Variants in MYO1E observed in about 807,000 individuals in gnomAD.
The protein encoded by MYO1E is myosin IE.
Under a neutral mutation model 151.1 loss-of-function variants are expected in MYO1E, and 68 were observed. The observed-to-expected ratio is 0.45, with a 90% CI of 0.37 to 0.55. The LOEUF is 0.55. Ranked by LOEUF, MYO1E falls within the 20% of genes least tolerant of loss-of-function variation. MYO1E has a pLI of 0.00. For synonymous variants in MYO1E, 601 were observed against 501.7 expected, an observed-to-expected ratio of 1.20 and a Z score of -2.64; for missense variants, 1,363 against 1,389.3, an observed-to-expected ratio of 0.98 and a Z score of 0.30.
At position 59,158,319 on chromosome 15, in the gene MYO1E, T is replaced by G. The variant is rs766953261; in HGVS notation, c.2846A>C (p.Asn949Thr). The G allele has an allele frequency of 4.4e-6, 7 of 1,577,678 alleles. No individual in the cohort carries two copies. The African/African-American group carries it at 9.4e-5, about 21-fold the overall frequency. ...AGGAGGGGCAGCTCTCACTGGGTAG[T>G]TGGCATTTTGAGTCCCACTGGAATA... is the stretch of plus-strand genomic sequence containing the variant. ...TGYSSGTQNA[N>T]YPVRAAPPPP... Residue 949 changes from asparagine (N) to threonine (T), a missense_variant, in exon 25 of 28, where the codon AAC (asparagine) becomes ACC (threonine). Physicochemically the swap from Asn to Thr is moderately conservative, Grantham distance 65. Transcript: ENST00000288235.
intron 26 of MYO1E, 109 bp from the exon 27 acceptor site, chr15:59,138,476 G>C: frequency 8.3e-7 from 1 of 1,211,852 alleles, no homozygotes; most frequent in Admixed American, 2.0e-5. Flanking sequence ...TTCAAATCCA[G>C]CTCCATCCTT....
At chr15:59,370,928 T>C (rs1173768597) in intron 1 of MYO1E, among the ~76,000 whole-genome samples, 2 of 152,162 alleles carry the variant, frequency 1.3e-5, no homozygotes, top group African/African-American at 4.8e-5. Context: ...AGGGACCAGG[T>C]GCCCAGTGAG....
intron 1 of MYO1E, among the ~76,000 whole-genome samples, chr15:59,353,369 A>AAAAAAGAAAAGAAAAGAAAAGAAAAG (rs1178465167): frequency 3.7e-4 from 36 of 96,876 alleles, no homozygotes; most frequent in African/African-American, 1.3e-3. Context: ...AAAAAAAAAA[A>AAAAAAGAAAAGAAAAGAAAAGAAAAG]AAAAGAAAAG....
chr15:59,242,373 G>C (rs1180502606), intron 4 of MYO1E, among the ~76,000 whole-genome samples: 1 of 152,148 alleles, frequency 6.6e-6, no homozygotes, highest in African/African-American at 2.4e-5. Flanking sequence ...GTGTGGACGT[G>C]TCAAGCATAT....
chr15:59,151,223 C>T lies in MYO1E; in HGVS notation c.3080+2367G>A, dbSNP rs867268350. Among the ~76,000 whole-genome samples the T allele has an allele frequency of 2.0e-5, 3 of 151,566 alleles. No homozygotes were observed. In the South Asian group the frequency reaches 6.3e-4, roughly 32 times the overall value. On this transcript the variant is annotated intron_variant, in intron 26 of 27. Coordinates refer to ENST00000288235, the MANE Select transcript of MYO1E (RefSeq NM_004998.4). The stretch of plus-strand genomic sequence containing the variant: ...CAGGCAGATGACGAGGTCAAGAGAT[C>T]GAGACCATCCTGGCCAACATGGTGA...
intron 18 of MYO1E, among the ~76,000 whole-genome samples, chr15:59,182,394 G>A (rs1475337370): frequency 6.6e-6 from 1 of 152,076 alleles, no homozygotes; most frequent in Non-Finnish European, 1.5e-5. Context: ...TGTATTTTTA[G>A]TAGAGGCGGG....
chr15:59,292,653 G>A (rs2080426490), intron 1 of MYO1E, among the ~76,000 whole-genome samples: 2 of 152,248 alleles, frequency 1.3e-5, no homozygotes, highest in African/African-American at 4.8e-5. Flanking sequence ...CCAGAGCAGA[G>A]TTAAGGTTGC....
rs1240486826 is a variant in MYO1E, at chr15:59,207,835, T to G, written c.1530+846A>C. On this transcript the variant is annotated intron_variant, in intron 14 of 27. Transcript: ENST00000288235. ...TATTAAAATGAAAGGTTATACTTCT[T>G]GGGCCATTGGCCTATCTGTGGCCGA... The G allele has an allele frequency of 3.1e-6, 5 of 1,614,114 alleles. No homozygotes were observed. Among genetic ancestry groups the G allele is most frequent in the Non-Finnish European group, 3.4e-6 (4 of 1,180,042 alleles).
At chr15:59,286,554 G>C (rs2140393488) in intron 1 of MYO1E, among the ~76,000 whole-genome samples, 1 of 152,282 alleles carries the variant, frequency 6.6e-6, no homozygotes, top group Non-Finnish European at 1.5e-5. Context: ...GTCTGGACGT[G>C]CTAAGCGGGG....
rs1355148279 is a variant in MYO1E at position 59,350,607 on chromosome 15, G to A, written c.3+21891C>T. 5.9e-5 allele frequency among the ~76,000 whole-genome samples: 9 copies of A among 152,246 alleles called. No homozygotes were observed. The East Asian group carries it at 9.7e-4, about 16-fold the overall frequency. On this transcript the variant is annotated intron_variant, in intron 1 of 27. Transcript: ENST00000288235. The surrounding 1 kb of genome is among the most constrained non-coding windows in gnomAD (Gnocchi z 5.0). ...AACTGCCAGATAACCAGGGAATGTCGAGAGTGTACAGGAATGTGGGAAGGC... is the reference window on the plus strand; with the variant it reads ...AACTGCCAGATAACCAGGGAATGTCAAGAGTGTACAGGAATGTGGGAAGGC...
chr15:59,168,974 T>A (rs1281983835), intron 22 of MYO1E, among the ~76,000 whole-genome samples: 4 of 152,172 alleles, frequency 2.6e-5, no homozygotes, highest in Non-Finnish European at 4.4e-5. Flanking sequence ...TAAAGTCTCT[T>A]TATATTAAAA....
rs537659510 is a variant in MYO1E, at chr15:59,238,035, G to A, written c.333-1363C>T. Reference sequence around the variant, plus strand: ...CTCACCATCCTAGTGCTATGCTCCTGGCTTCCTGGTCACATGAATAAGAAA... The same window carrying A: ...CTCACCATCCTAGTGCTATGCTCCTAGCTTCCTGGTCACATGAATAAGAAA... On this transcript the variant is annotated intron_variant, in intron 4 of 27. Coordinates refer to ENST00000288235, the MANE Select transcript of MYO1E (RefSeq NM_004998.4). Among the ~76,000 whole-genome samples the A allele has an allele frequency of 2.6e-5, 4 of 152,216 alleles. No homozygotes were observed. The East Asian group carries it at 7.7e-4, about 29-fold the overall frequency.
intron 1 of MYO1E, among the ~76,000 whole-genome samples, chr15:59,275,954 G>A (rs2080316137): frequency 1.3e-5 from 2 of 152,178 alleles, no homozygotes; most frequent in Admixed American, 6.5e-5. Context: ...CACAGCCGCT[G>A]AATGCCAGGA....
chr15:59,148,420 G>C (rs548679189), intron 26 of MYO1E, among the ~76,000 whole-genome samples: 1 of 152,158 alleles, frequency 6.6e-6, no homozygotes, highest in Non-Finnish European at 1.5e-5. Context: ...TTAAGCTTTC[G>C]AATATCACCT....
intron 1 of MYO1E, among the ~76,000 whole-genome samples, chr15:59,321,733 T>A (rs1013583522): frequency 1.1e-4 from 17 of 152,154 alleles, no homozygotes; most frequent in East Asian, 7.7e-4. Flanking sequence ...ATACCCCATA[T>A]CTACAAAAAA....
intron 14 of MYO1E, chr15:59,207,334 T>A (rs2079844140): frequency 1.2e-6 from 2 of 1,614,082 alleles, no homozygotes; most frequent in Non-Finnish European, 1.7e-6. Context: ...TAGCAAAGAT[T>A]ACTTTGTCAC....
chr15:59,138,937 C>A (rs1418705195), intron 26 of MYO1E, among the ~76,000 whole-genome samples: 1 of 152,112 alleles, frequency 6.6e-6, no homozygotes, highest in Non-Finnish European at 1.5e-5. Context: ...AACTGGATGA[C>A]GTGCCCTGCT....
At chr15:59,318,682 T>G (rs1012921734) in intron 1 of MYO1E, among the ~76,000 whole-genome samples, 1 of 152,214 alleles carries the variant, frequency 6.6e-6, no homozygotes, top group Admixed American at 6.5e-5. Context: ...GAATGTTGAC[T>G]AAAAATACTA....
intron 18 of MYO1E, among the ~76,000 whole-genome samples, chr15:59,181,028 G>A (rs1330350506): frequency 1.3e-5 from 2 of 152,112 alleles, no homozygotes; most frequent in African/African-American, 2.4e-5. Context: ...AGGAAATGCA[G>A]CTGGGACCCC....
Sources: allele counts gnomAD v4.1 joint callset (sites outside exome capture counted in the v4.1 genomes callset), GRCh38; gene constraint gnomAD v4.1.1; non-coding constraint Gnocchi (gnomAD v3.1); transcripts MANE v1.5; gene names NCBI Gene and HGNC (gene_info 2026-07-23, HGNC 2026-07-21).